Variants in MTUS2 observed in about 807,000 individuals in gnomAD.
MTUS2 encodes the protein microtubule associated scaffold protein 2.
MTUS2 carries 40 observed loss-of-function variants against 114.1 expected under a neutral mutation model. The observed-to-expected ratio is 0.35, with a 90% CI of 0.27 to 0.46. MTUS2 has a LOEUF of 0.46. MTUS2 is among the 20% of genes least tolerant of loss of function. MTUS2 has a pLI of 1.00. For missense variants in MTUS2, 1,679 were observed against 1,705.4 expected, an observed-to-expected ratio of 0.98 and a Z score of 0.27; for synonymous variants, 688 against 672.0, an observed-to-expected ratio of 1.02 and a Z score of -0.37.
chr13:29,326,400 GA>G (rs903917894), intron 7 of MTUS2, among the ~76,000 whole-genome samples: 4 of 152,122 alleles, frequency 2.6e-5, no homozygotes, highest in African/African-American at 9.7e-5. Context: ...TCTAGAGAAA[GA>G]GTAAAAATAA....
chr13:29,041,462 T>C (rs933400218), intron 4 of MTUS2, among the ~76,000 whole-genome samples: 5 of 152,136 alleles, frequency 3.3e-5, no homozygotes, highest in African/African-American at 9.7e-5. Flanking sequence ...ATTTTAGAAT[T>C]GTTCTAGTTC....
At chr13:29,226,671 C>G (rs1420766389) in intron 5 of MTUS2, among the ~76,000 whole-genome samples, 2 of 56,258 alleles carry the variant, frequency 3.6e-5, no homozygotes, top group Admixed American at 1.7e-4. Context: ...TTCCTTAAAA[C>G]TTGAATTACC....
At position 29,086,286 on chromosome 13, in the gene MTUS2, TCTTA is replaced by T. The variant is rs926549894; in HGVS notation, c.2447-14482_2447-14479del. Among the ~76,000 whole-genome samples, 12 of 152,216 alleles carry T rather than the reference TCTTA, an allele frequency of 7.9e-5. No homozygotes were observed. The South Asian group carries it at 8.3e-4, about 10-fold the overall frequency. ...GCTGTGCAGAAGATCTTTAATTAGA[TCTTA>T]CTTATTTATTTCTTCTTTTTGTTAC... On this transcript the variant is annotated intron_variant, in intron 4 of 15. Coordinates refer to ENST00000612955, the MANE Select transcript of MTUS2 (RefSeq NM_001033602.4).
Position 29,346,152 on chromosome 13 carries a change from C to T in MTUS2, c.2906-13110C>T, listed in dbSNP as rs117105797. 5.9e-3 allele frequency among the ~76,000 whole-genome samples: 901 copies of T among 152,280 alleles called. 6 individuals carry two copies. Among genetic ancestry groups the T allele is most frequent in the Middle Eastern group, 0.027 (8 of 294 alleles). On this transcript the variant is annotated intron_variant, in intron 7 of 15. Coordinates refer to ENST00000612955, the MANE Select transcript of MTUS2 (RefSeq NM_001033602.4). The stretch of plus-strand genomic sequence containing the variant: ...GTTGGCCGCCAGCCAGGAGGTGGTG[C>T]TTTCAAGAGAGCCTCAGCTGCAGTA...
intron 2 of MTUS2, among the ~76,000 whole-genome samples, chr13:28,940,386 C>A: frequency 1.3e-5 from 2 of 152,064 alleles, no homozygotes; most frequent in African/African-American, 2.4e-5. Context: ...TTGTATAATT[C>A]CATTTATATG....
At chr13:29,227,442 C>T (rs112821154) in intron 5 of MTUS2, among the ~76,000 whole-genome samples, 8 of 152,228 alleles carry the variant, frequency 5.3e-5, no homozygotes, top group South Asian at 2.1e-4. Context: ...CCGAGGGGCT[C>T]GCTGTCTTAA....
chr13:28,998,632 T>G (rs1480646093), intron 2 of MTUS2, among the ~76,000 whole-genome samples: 1 of 152,246 alleles, frequency 6.6e-6, no homozygotes, highest in Non-Finnish European at 1.5e-5. Context: ...ACGCTTCATT[T>G]CATTCATTTG....
chr13:29,060,565 T>TA (rs1555231442), intron 4 of MTUS2, among the ~76,000 whole-genome samples: 4 of 147,414 alleles, frequency 2.7e-5, no homozygotes, highest in African/African-American at 7.5e-5. Flanking sequence ...TTTTTTTTTT[T>TA]ACTATTTACT....
At chr13:29,184,876 A>G (rs1354507869) in intron 5 of MTUS2, among the ~76,000 whole-genome samples, 6 of 152,282 alleles carry the variant, frequency 3.9e-5, no homozygotes, top group Admixed American at 2.0e-4. Context: ...AAATAAAGAA[A>G]GTGTGGCCAA....
intron 2 of MTUS2, among the ~76,000 whole-genome samples, chr13:28,853,790 G>A (rs188036507): frequency 2.2e-4 from 33 of 152,284 alleles, no homozygotes; most frequent in African/African-American, 6.7e-4. Flanking sequence ...AATTGCCTTA[G>A]CCAAATAAAA....
At chr13:28,855,310 T>C (rs938616241) in intron 2 of MTUS2, among the ~76,000 whole-genome samples, 1 of 152,146 alleles carries the variant, frequency 6.6e-6, no homozygotes, top group African/African-American at 2.4e-5. Context: ...GATGTGCAGG[T>C]TTGTTACATA....
intron 8 of MTUS2, among the ~76,000 whole-genome samples, chr13:29,398,932 C>A (rs913701122): frequency 6.6e-6 from 1 of 152,052 alleles, no homozygotes; most frequent in African/African-American, 2.4e-5. Flanking sequence ...GGGTCTAGAT[C>A]CCCAAGAACC....
intron 4 of MTUS2, among the ~76,000 whole-genome samples, chr13:29,070,436 G>C (rs1051151481): frequency 6.6e-6 from 1 of 152,126 alleles, no homozygotes; most frequent in African/African-American, 2.4e-5. Context: ...AGGTTGAAAA[G>C]AGTTTTCAAC....
chr13:28,837,823 C>A (rs1450550020), intron 1 of MTUS2, among the ~76,000 whole-genome samples: 2 of 152,086 alleles, frequency 1.3e-5, no homozygotes, highest in Non-Finnish European at 2.9e-5. Flanking sequence ...ACCTTCAACC[C>A]TGTAGTGGTC....
rs558989394 is a variant in MTUS2, at chr13:29,066,007, G to T, written c.2446+31882G>T. Among the ~76,000 whole-genome samples the T allele has an allele frequency of 2.0e-5, 3 of 151,528 alleles. No individual in the cohort carries two copies. The East Asian group carries it at 5.9e-4, about 30-fold the overall frequency. On this transcript the variant is annotated intron_variant, in intron 4 of 15. Coordinates refer to ENST00000612955, the MANE Select transcript of MTUS2 (RefSeq NM_001033602.4). ...GTGTCTCTTTCTGTCTTCTCACTAC[G>T]CATAACCCACAGTGGCCTCGATTCA...
At chr13:29,310,626 A>G (rs989043775) in intron 6 of MTUS2, among the ~76,000 whole-genome samples, 1 of 152,236 alleles carries the variant, frequency 6.6e-6, no homozygotes, top group Non-Finnish European at 1.5e-5. Context: ...CAAATAGCCA[A>G]TAAGCATATT....
chr13:29,488,856 C>G (rs1273903422), intron 11 of MTUS2, among the ~76,000 whole-genome samples: 1 of 152,222 alleles, frequency 6.6e-6, no homozygotes, highest in Non-Finnish European at 1.5e-5. Flanking sequence ...AGCATCATTA[C>G]TAAGTTCCAG....
intron 5 of MTUS2, among the ~76,000 whole-genome samples, chr13:29,119,185 G>GT (rs1320722183): frequency 2.0e-5 from 3 of 152,038 alleles, no homozygotes; most frequent in Non-Finnish European, 2.9e-5. Flanking sequence ...AACTCTTATG[G>GT]TAGTGCTAAC....
intron 4 of MTUS2, among the ~76,000 whole-genome samples, chr13:29,077,829 T>G (rs1208994650): frequency 6.6e-6 from 1 of 152,220 alleles, no homozygotes; most frequent in Non-Finnish European, 1.5e-5. Flanking sequence ...TGGATCTTTA[T>G]CAATATAATA....
Sources: allele counts gnomAD v4.1 joint callset (sites outside exome capture counted in the v4.1 genomes callset), GRCh38; gene constraint gnomAD v4.1.1; transcripts MANE v1.5; gene names NCBI Gene and HGNC (gene_info 2026-07-23, HGNC 2026-07-21).